The following POLR3D variants were observed in gnomAD, a reference collection of about 807,000 sequenced individuals.
POLR3D encodes DNA-directed RNA polymerase III subunit RPC4.
A neutral mutation model predicts 44.5 loss-of-function variants in POLR3D; 42 were observed. The observed-to-expected ratio is 0.94, with a 90% CI of 0.74 to 1.22. The LOEUF (loss-of-function observed/expected upper bound fraction) is 1.22, where lower values mean the gene tolerates loss of function less well. POLR3D is among the 50% of genes most tolerant of loss of function. POLR3D has a pLI of 0.00. For missense variants in POLR3D, 507 were observed against 505.2 expected (o/e 1.00, Z -0.03); for synonymous variants, 217 against 198.1 (o/e 1.10, Z -0.80).
At chr8:22,245,309 G>T in intron 1 of POLR3D, 126 bp downstream of exon 1, 1 of 588,912 alleles carries the variant, frequency 1.7e-6, no homozygotes, top group Non-Finnish European at 2.7e-6. Flanking sequence ...CGGGAGTCTC[G>T]CCACGTGGGA....
At position 22,245,224 on chromosome 8, in the gene POLR3D, C is replaced by T. The variant is rs1586505241; in HGVS notation, c.-6+41C>T. ...GCGGTGTGGAGCCGCGGCCCGGGTG[C>T]GTCCCTGTCTGGTTCCTGGGCGGGG... is the stretch of plus-strand genomic sequence containing the variant. On this transcript the variant is annotated intron_variant, in intron 1 of 8. Transcript: ENST00000306433. 7 of 552,966 alleles carry T rather than the reference C, an allele frequency of 1.3e-5. No homozygotes were observed. The East Asian group carries it at 2.1e-4, about 17-fold the overall frequency. The allele number at this position is 552,966 out of a possible 1,614,324, so 34.3% of individuals were successfully genotyped here. A position where few individuals can be genotyped will look rare whatever the true frequency, so the allele number is the denominator to read the frequency against.
In POLR3D at chr8:22,252,365, G is replaced by C. The variant is rs367691414; in HGVS notation, c.*1847G>C. The C allele has an allele frequency of 9.1e-5, 14 of 153,414 alleles. No individual in the cohort carries two copies. Among genetic ancestry groups the C allele is most frequent in the African/African-American group, 3.4e-4 (14 of 41,556 alleles). 9.5% of individuals were successfully genotyped at this position (153,414 alleles called of 1,614,324 possible). ...CCTCTCTTTCTATTCTGTTTCTTTG[G>C]TTCAGAAATACTCTTCTGCTTTTTT... is the stretch of plus-strand genomic sequence containing the variant. On this transcript the variant is annotated 3_prime_UTR_variant, in exon 9 of 9. Coordinates refer to ENST00000306433, the MANE Select transcript of POLR3D (RefSeq NM_001722.3).
chr8:22,248,879 A>G (rs529606871), intron 6 of POLR3D, among the ~76,000 whole-genome samples, 165 bp from the exon 7 acceptor site: 3 of 152,276 alleles, frequency 2.0e-5, no homozygotes, highest in East Asian at 1.9e-4. Flanking sequence ...TAGATAAGTC[A>G]TGTGAGACTT....
At chr8:22,248,417 T>G in intron 5 of POLR3D, 64 bp from the exon 6 acceptor site, 1 of 1,586,948 alleles carries the variant, frequency 6.3e-7, no homozygotes, top group Non-Finnish European at 8.6e-7. Context: ...AGAAAGGGAC[T>G]AAAGCAGACT....
chr8:22,249,853 C>T (rs550391333), intron 7 of POLR3D, among the ~76,000 whole-genome samples: 1 of 152,296 alleles, frequency 6.6e-6, no homozygotes, highest in East Asian at 1.9e-4. Flanking sequence ...CCGCCATGTA[C>T]CAGAACTCAG....
chr8:22,254,209 G>A lies in POLR3D; in HGVS notation c.*3691G>A, dbSNP rs1299244164. 2 of 152,050 alleles carry A rather than the reference G, an allele frequency of 1.3e-5. No homozygotes were observed. The highest frequency in any genetic ancestry group is 2.4e-5 in the African/African-American group (1 of 41,376). 9.4% of individuals were successfully genotyped at this position (152,050 alleles called of 1,614,324 possible). ...GTGCTATTTGATTTTCTGTTTCCGA[G>A]GTTAGGATAATTACCTCAAGCTCCA... On this transcript the variant is annotated 3_prime_UTR_variant, in exon 9 of 9. Coordinates refer to ENST00000306433, the MANE Select transcript of POLR3D (RefSeq NM_001722.3).
Position 22,248,143 on chromosome 8 carries a change from AT to A in POLR3D, c.362-8del. On this transcript the variant is annotated splice_polypyrimidine_tract_variant and intron_variant, in intron 4 of 8. Coordinates refer to ENST00000306433, the MANE Select transcript of POLR3D (RefSeq NM_001722.3). The stretch of plus-strand genomic sequence containing the variant: ...TTATCGATCCCTAGTGACCTGGGTG[AT>A]TTCCCACAGGGAACTGGGATAAGAC... 5.0e-6 allele frequency: 8 copies of A among 1,613,714 alleles called. No homozygotes were observed. Among genetic ancestry groups the A allele is most frequent in the Non-Finnish European group, 6.8e-6 (8 of 1,179,888 alleles).
Position 22,248,627 on chromosome 8 carries a change from G to A in POLR3D, c.633G>A (p.Glu211=), listed in dbSNP as rs759080977. Residue 211 remains glutamate (E), a synonymous_variant, in exon 6 of 9, where the codon GAG becomes GAA. Transcript: ENST00000306433. ...CTGGCCCCAAGGAAGAGGACATGGAGGTGGACATACCTGCTGTGAAAGGTA... is the reference window on the plus strand; with the variant it reads ...CTGGCCCCAAGGAAGAGGACATGGAAGTGGACATACCTGCTGTGAAAGGTA... The part of the protein sequence containing the change: ...WLAGPKEEDM[E]VDIPAVKVKE... 15 of 1,613,702 alleles carry A rather than the reference G, an allele frequency of 9.3e-6. No individual in the cohort carries two copies. The Admixed American group carries it at 2.3e-4, about 25-fold the overall frequency.
intron 2 of POLR3D, among the ~76,000 whole-genome samples, chr8:22,246,320 G>A (rs973431406): frequency 6.6e-6 from 1 of 151,364 alleles, no homozygotes; most frequent in African/African-American, 2.4e-5. Flanking sequence ...TAGACACAGG[G>A]TTTTGCCATG....
Position 22,250,642 on chromosome 8 carries a change from C to G in POLR3D, c.*124C>G. The G allele has an allele frequency of 2.4e-6, 3 of 1,236,628 alleles. No homozygotes were observed. The highest frequency in any genetic ancestry group is 2.7e-5 in the South Asian group (2 of 74,928). 76.6% of individuals were successfully genotyped at this position (1,236,628 alleles called of 1,614,324 possible). A position where few individuals can be genotyped will look rare whatever the true frequency, so the allele number is the denominator to read the frequency against. The stretch of plus-strand genomic sequence containing the variant: ...GCCCACTCACTCCAGCCTTTGGCAA[C>G]CATTGTTCCAGGTCCCCCAGGGCTT... On this transcript the variant is annotated 3_prime_UTR_variant, in exon 9 of 9. Coordinates refer to ENST00000306433, the MANE Select transcript of POLR3D (RefSeq NM_001722.3).
In POLR3D at chr8:22,249,138, T is replaced by G. The variant is rs78038872; in HGVS notation, c.750T>G (p.Ser250=). ...CTCCAGGCCTCCCGAAGGATGTATCTGTGGCAGAGCTGCTGAGGGAGCTGA... is the reference window on the plus strand; with the variant it reads ...CTCCAGGCCTCCCGAAGGATGTATCGGTGGCAGAGCTGCTGAGGGAGCTGA... ...RKTPGLPKDV[S]VAELLRELSL... is the part of the protein sequence containing the mutation. The change falls in exon 7 of 9, where the codon TCT becomes TCG. Residue 250 remains serine, a synonymous_variant. Transcript: ENST00000306433. The G allele has an allele frequency of 7.4e-3, 12,020 of 1,614,064 alleles. 58 individuals are homozygous for G. Among genetic ancestry groups the G allele is most frequent in the Non-Finnish European group, 9.2e-3 (10,886 of 1,179,990 alleles).
rs561232709 is a variant in POLR3D, at chr8:22,252,525, A to G, written c.*2007A>G. 6.6e-6 allele frequency: 1 copy of G among 152,306 alleles called. No homozygotes were observed. The highest frequency in any genetic ancestry group is 2.1e-4 in the South Asian group (1 of 4,832). 9.4% of individuals were successfully genotyped at this position (152,306 alleles called of 1,614,324 possible). On this transcript the variant is annotated 3_prime_UTR_variant, in exon 9 of 9. Transcript: ENST00000306433. ...TCGCCCATTCAGATGTCTTGGCTTG[A>G]ACCTTATGACTCCGTATCAAAGTCC...
At position 22,253,279 on chromosome 8, in the gene POLR3D, A is replaced by C. The variant is rs1018916084; in HGVS notation, c.*2761A>C. ...CCACAGCCAGAGTGGACAGTAGTAC[A>C]GGAGCCTTCTCATTCTGCCCTTATC... On this transcript the variant is annotated 3_prime_UTR_variant, in exon 9 of 9. Coordinates refer to ENST00000306433, the MANE Select transcript of POLR3D (RefSeq NM_001722.3). 6.6e-6 allele frequency: 1 copy of C among 152,228 alleles called. No individual in the cohort carries two copies. Among genetic ancestry groups the C allele is most frequent in the Non-Finnish European group, 1.5e-5 (1 of 68,048 alleles). The allele number at this position is 152,228 out of a possible 1,614,324, so 9.4% of individuals were successfully genotyped here. A position where few individuals can be genotyped will look rare whatever the true frequency, so the allele number is the denominator to read the frequency against.
intron 5 of POLR3D, 27 bp from the exon 6 acceptor site, chr8:22,248,454 C>T: frequency 6.2e-7 from 1 of 1,609,172 alleles, no homozygotes. Context: ...TGCTAGCAGG[C>T]TGGATGACCC....
At chr8:22,248,049 C>A (rs2131948583) in intron 4 of POLR3D, 41 bp downstream of exon 4, 1 of 1,608,268 alleles carries the variant, frequency 6.2e-7, no homozygotes, top group Non-Finnish European at 8.5e-7. Flanking sequence ...CAGACTGCCC[C>A]AGAGAAGGGC....
At chr8:22,247,168 G>C (rs1830052084) in intron 2 of POLR3D, 53 bp from the exon 3 acceptor site, 3 of 1,402,064 alleles carry the variant, frequency 2.1e-6, no homozygotes, top group Non-Finnish European at 3.0e-6. Flanking sequence ...ATTTTCCTCT[G>C]TACTTTGGGG....
At position 22,250,098 on chromosome 8, in the gene POLR3D, T is replaced by C. The variant is rs1415927324; in HGVS notation, c.945T>C (p.Ala315=). 1.2e-6 allele frequency: 2 copies of C among 1,614,168 alleles called. No homozygotes were observed. The highest frequency in any genetic ancestry group is 1.1e-5 in the South Asian group (1 of 91,082). ...KDREAKLAEN[A]CTLADLTEGQ... ...AGGAAGCCAAATTGGCAGAGAATGCTTGTACCCTGGCTGACCTGACAGAGG... is the reference window on the plus strand; with the variant it reads ...AGGAAGCCAAATTGGCAGAGAATGCCTGTACCCTGGCTGACCTGACAGAGG... Residue 315 remains alanine, a synonymous_variant, in exon 8 of 9, where the codon GCT becomes GCC. Coordinates refer to ENST00000306433, the MANE Select transcript of POLR3D (RefSeq NM_001722.3).
intron 2 of POLR3D, among the ~76,000 whole-genome samples, chr8:22,246,240 G>T (rs1003646561): frequency 6.6e-6 from 1 of 152,038 alleles, no homozygotes; most frequent in Non-Finnish European, 1.5e-5. Context: ...CGATTCTCCT[G>T]CCTCATCCTC....
chr8:22,245,596 C>G lies in POLR3D; in HGVS notation c.147C>G (p.Thr49=), dbSNP rs1289868507. ...RLPSIRSRDL[T]LGGVKKKTFT... ...CCTCCATCCGTTCCAGGGACCTCAC[C>G]CTCGGGGGAGTCAAGAAGGTACCCA... The change falls in exon 2 of 9, where the codon ACC becomes ACG. Residue 49 remains threonine, a synonymous_variant. Coordinates refer to ENST00000306433, the MANE Select transcript of POLR3D (RefSeq NM_001722.3). The G allele has an allele frequency of 1.6e-6, 2 of 1,258,214 alleles. No homozygotes were observed. Among genetic ancestry groups the G allele is most frequent in the African/African-American group, 3.1e-5 (2 of 64,946 alleles). The allele number at this position is 1,258,214 out of a possible 1,614,324, so 77.9% of individuals were successfully genotyped here.
Sources: gnomAD v4.1 joint callset for allele counts (sites outside exome capture counted in the v4.1 genomes callset) on GRCh38, gnomAD v4.1.1 for gene constraint, MANE v1.5 for transcripts, NCBI Gene and HGNC (gene_info 2026-07-23, HGNC 2026-07-21) for gene names.